Variants in SLC6A13 observed in about 807,000 individuals in gnomAD.
SLC6A13 encodes solute carrier family 6 member 13.
In SLC6A13, 69 loss-of-function variants were observed where a neutral mutation model predicts 72.9. The ratio of observed to expected loss-of-function variants is 0.95; its 90% CI spans 0.78 to 1.16. The LOEUF is 1.16. Among genes scored for constraint, SLC6A13 ranks in the 50% most tolerant of loss-of-function variants. The probability of loss-of-function intolerance (pLI) is 0.00; values close to 1 mark genes in which losing one functional copy is unlikely to be tolerated. For missense variants in SLC6A13, 735 were observed against 760.5 expected, an observed-to-expected ratio of 0.97 and a Z score of 0.39; for synonymous variants, 303 against 303.0, an observed-to-expected ratio of 1.00 and a Z score of 0.00.
In SLC6A13 at chr12:254,819, C is replaced by T. The variant is rs1862476521; in HGVS notation, c.202+5032G>A. Among the ~76,000 whole-genome samples, 1 of 152,164 alleles carries T rather than the reference C, an allele frequency of 6.6e-6. No homozygotes were observed. Among genetic ancestry groups the T allele is most frequent in the South Asian group, 2.1e-4 (1 of 4,830 alleles). ...CTGATAGATACCTCAACTCAACTTT[C>T]CCAAAATTCACCTCCTTACTTTCCC... On this transcript the variant is annotated intron_variant, in intron 2 of 14. Coordinates refer to ENST00000343164, the MANE Select transcript of SLC6A13 (RefSeq NM_016615.5). This position sits in a 1 kb window ranked among gnomAD's most constrained non-coding sequence, Gnocchi z 4.4.
intron 6 of SLC6A13, among the ~76,000 whole-genome samples, chr12:236,642 G>C (rs947712759): frequency 1.3e-5 from 2 of 152,212 alleles, no homozygotes; most frequent in Admixed American, 6.5e-5. Flanking sequence ...TGTCAGATAT[G>C]AAAAGATTTG....
intron 14 of SLC6A13, 61 bp downstream of exon 14, chr12:221,315 T>C: frequency 6.7e-7 from 1 of 1,491,818 alleles, no homozygotes; most frequent in East Asian, 2.5e-5. Flanking sequence ...GCAGCCCACC[T>C]GTCGGCACCT....
At chr12:236,734 A>T (rs955187603) in intron 6 of SLC6A13, among the ~76,000 whole-genome samples, 1 of 151,978 alleles carries the variant, frequency 6.6e-6, no homozygotes, top group Non-Finnish European at 1.5e-5. Flanking sequence ...CCAGGGCAAG[A>T]GTTCAGGAGA....
intron 4 of SLC6A13, 71 bp from the exon 5 acceptor site, chr12:238,081 G>A: frequency 6.3e-7 from 1 of 1,581,706 alleles, no homozygotes; most frequent in Non-Finnish European, 8.7e-7. Flanking sequence ...CTGGAGAGTG[G>A]GGTGAAATTC....
rs185786967 is a variant in SLC6A13 at position 260,942 on chromosome 12, G to A, written c.-5-885C>T. ...GGTTTTAAAAAAAAATCCTGTCAAA[G>A]GATTGGGAGAGGTTGAGTGGGACCA... On this transcript the variant is annotated intron_variant, in intron 1 of 14. Transcript: ENST00000343164. 3.0e-3 allele frequency among the ~76,000 whole-genome samples: 450 copies of A among 152,252 alleles called. 2 individuals are homozygous for A. Among genetic ancestry groups the A allele is most frequent in the African/African-American group, 0.01 (431 of 41,534 alleles).
At chr12:235,018 C>G (rs1025254218) in intron 7 of SLC6A13, 72 bp downstream of exon 7, 1 of 1,570,070 alleles carries the variant, frequency 6.4e-7, no homozygotes. Context: ...GGTTCCCCGT[C>G]AGAGTGCAGG....
Position 262,822 on chromosome 12 carries a change from G to T in SLC6A13, c.-39C>A. On this transcript the variant is annotated 5_prime_UTR_variant, in exon 1 of 15. Transcript: ENST00000343164. ...AGCTGCTGCCAGAGGTCCAGTCAGG[G>T]GAGAAGAATTATCTAAGGGGGAAGG... 1 of 327,432 alleles carries T rather than the reference G, an allele frequency of 3.1e-6. No homozygotes were observed. Among genetic ancestry groups the T allele is most frequent in the Non-Finnish European group, 4.4e-6 (1 of 228,482 alleles). The allele number at this position is 327,432 out of a possible 1,614,324, so 20.3% of individuals were successfully genotyped here. A position where few individuals can be genotyped will look rare whatever the true frequency, so the allele number is the denominator to read the frequency against.
chr12:231,486 C>A (rs548381463), intron 7 of SLC6A13, among the ~76,000 whole-genome samples: 37 of 152,204 alleles, frequency 2.4e-4, no homozygotes, highest in Non-Finnish European at 5.3e-4. Flanking sequence ...CACCCCCACC[C>A]TGCAGGTGCT....
rs887866505 is a variant in SLC6A13, at chr12:235,004, CG to C, written c.831+85del. On this transcript the variant is annotated intron_variant, in intron 7 of 14. Coordinates refer to ENST00000343164, the MANE Select transcript of SLC6A13 (RefSeq NM_016615.5). ...GGACACCCTAGGGTAGTGCTAGGTG[CG>C]GGGGTTCCCCGTCAGAGTGCAGGGA... 11 of 1,511,280 alleles carry C rather than the reference CG, an allele frequency of 7.3e-6. No homozygotes were observed. In the African/African-American group the frequency reaches 1.4e-4, roughly 19 times the overall value. The allele number at this position is 1,511,280 out of a possible 1,614,324, so 93.6% of individuals were successfully genotyped here.
chr12:250,833 C>CAAAAAA (rs71045051), intron 2 of SLC6A13, among the ~76,000 whole-genome samples: 13,955 of 81,390 alleles, frequency 0.17, 1,232 homozygotes, highest in African/African-American at 0.25. Flanking sequence ...AATAGCCCCC[C>CAAAAAA]AAAAAAAAAA....
At chr12:228,222 GA>G (rs1057107365) in intron 7 of SLC6A13, among the ~76,000 whole-genome samples, 1 of 152,030 alleles carries the variant, frequency 6.6e-6, no homozygotes, top group East Asian at 1.9e-4. Context: ...CCTTGGGAGG[GA>G]AAAAAATCAC....
chr12:252,063 A>G (rs1283149680), intron 2 of SLC6A13, among the ~76,000 whole-genome samples: 1 of 152,262 alleles, frequency 6.6e-6, no homozygotes, highest in Non-Finnish European at 1.5e-5. Flanking sequence ...TGTGTGTTAG[A>G]ATATATGAAG....
chr12:259,628 C>T, intron 2 of SLC6A13: 1 of 1,426,704 alleles, frequency 7.0e-7, no homozygotes, highest in Non-Finnish European at 9.1e-7. Flanking sequence ...AGCTTGTGCT[C>T]ATATTTCTAC....
At position 224,079 on chromosome 12, in the gene SLC6A13, G is replaced by T. The variant is rs16928571; in HGVS notation, c.1224C>A (p.His408Gln). The T allele has an allele frequency of 6.2e-7, 1 of 1,614,112 alleles. No homozygotes were observed. Among genetic ancestry groups the T allele is most frequent in the South Asian group, 1.1e-5 (1 of 91,078 alleles). The change falls in exon 11 of 15, where the codon CAC (histidine) becomes CAA (glutamine). Residue 408 changes from histidine (H) to glutamine (Q), a missense_variant. Transcript: ENST00000343164. ...CCCTCCGGTTCTTCTTGCGGAACAC[G>T]TGAGGGTACATGTCCACCAGCGCTG... is the stretch of plus-strand genomic sequence containing the variant. ...LVTALVDMYP[H>Q]VFRKKNRREV... is the part of the protein sequence containing the mutation.
chr12:238,004 C>T lies in SLC6A13; in HGVS notation c.485G>A (p.Cys162Tyr), dbSNP rs1383746277. Reference sequence around the variant, plus strand: ...GCCGTTGGTCTTCTGGAACTCCATACAGTGTTCTACCCATGGGTCACGAGG... The same window carrying T: ...GCCGTTGGTCTTCTGGAACTCCATATAGTGTTCTACCCATGGGTCACGAGG... ...GCYHEWNTEH[C>Y]MEFQKTNGSL... The change falls in exon 5 of 15, where the codon TGT (cysteine) becomes TAT (tyrosine). Residue 162 changes from cysteine (C) to tyrosine (Y), a missense_variant. Coordinates refer to ENST00000343164, the MANE Select transcript of SLC6A13 (RefSeq NM_016615.5). The T allele has an allele frequency of 3.1e-6, 5 of 1,613,328 alleles. No individual in the cohort carries two copies. The highest frequency in any genetic ancestry group is 1.3e-5 in the African/African-American group (1 of 74,866).
chr12:245,044 G>A (rs1249079066), intron 2 of SLC6A13, among the ~76,000 whole-genome samples: 5 of 152,218 alleles, frequency 3.3e-5, no homozygotes, highest in Non-Finnish European at 7.3e-5. Context: ...AGGACACAGA[G>A]TACCAGAGAA....
chr12:232,509 C>T (rs988959522), intron 7 of SLC6A13, among the ~76,000 whole-genome samples: 2 of 152,210 alleles, frequency 1.3e-5, no homozygotes, highest in African/African-American at 4.8e-5. Context: ...ATACCCTTTG[C>T]CTGGTCTGCC....
intron 2 of SLC6A13, among the ~76,000 whole-genome samples, chr12:246,758 C>T (rs947266507): frequency 3.3e-5 from 5 of 151,952 alleles, no homozygotes; most frequent in Non-Finnish European, 7.4e-5. Flanking sequence ...CTGTAATCCC[C>T]GCATTTTGGG....
chr12:221,256 C>T, intron 14 of SLC6A13, 120 bp downstream of exon 14: 2 of 1,302,704 alleles, frequency 1.5e-6, no homozygotes, highest in South Asian at 1.5e-5. Flanking sequence ...TCCCTGACAC[C>T]CAGGCTGGGC....
Sources: gnomAD v4.1 joint callset for allele counts (sites outside exome capture counted in the v4.1 genomes callset) on GRCh38, gnomAD v4.1.1 for gene constraint, Gnocchi (gnomAD v3.1) non-coding constraint, MANE v1.5 for transcripts, NCBI Gene and HGNC (gene_info 2026-07-23, HGNC 2026-07-21) for gene names.